The following IQCJ variants were observed in gnomAD, a reference collection of about 807,000 sequenced individuals.
The protein encoded by IQCJ is IQ domain-containing protein J.
IQCJ carries 9 observed loss-of-function variants against 11.0 expected under a neutral mutation model. The ratio of observed to expected loss-of-function variants is 0.82; its 90% CI spans 0.49 to 1.43. The LOEUF is 1.43. IQCJ is among the 40% of genes most tolerant of loss of function. The pLI is 0.00. For missense variants in IQCJ, 146 were observed against 133.2 expected (o/e 1.10, Z -0.47); for synonymous variants, 55 against 51.3 (o/e 1.07, Z -0.31).
chr3:159,148,206 G>A (rs1054476201), intron 1 of IQCJ, among the ~76,000 whole-genome samples: 3 of 152,108 alleles, frequency 2.0e-5, no homozygotes, highest in African/African-American at 4.8e-5. Context: ...TTAACTAATC[G>A]TGTTTTCCTC....
At chr3:159,218,369 G>A (rs1159257921) in intron 1 of IQCJ, among the ~76,000 whole-genome samples, 5 of 150,834 alleles carry the variant, frequency 3.3e-5, no homozygotes, top group African/African-American at 1.2e-4. Flanking sequence ...GTGTGTGTGT[G>A]TATAAGAGAA....
Position 159,202,939 on chromosome 3 carries a change from C to T in IQCJ, c.10-42904C>T, listed in dbSNP as rs1195166755. 3.3e-5 allele frequency among the ~76,000 whole-genome samples: 5 copies of T among 152,100 alleles called. No homozygotes were observed. The East Asian group carries it at 9.7e-4, about 29-fold the overall frequency. On this transcript the variant is annotated intron_variant, in intron 1 of 3. Coordinates refer to ENST00000397832, the MANE Select transcript of IQCJ (RefSeq NM_001042706.3). ...TCAGCTTTCTTTTCAGCTCAGTGAT[C>T]ACAGCTGAGCCCACAGACAAGTAAC...
intron 1 of IQCJ, among the ~76,000 whole-genome samples, chr3:159,094,219 A>C (rs1717552767): frequency 6.6e-6 from 1 of 151,702 alleles, no homozygotes; most frequent in South Asian, 2.1e-4. Context: ...CACTGGGGAC[A>C]AAGACAAATA....
At chr3:159,089,874 T>C (rs1469998693) in intron 1 of IQCJ, among the ~76,000 whole-genome samples, 5 of 151,844 alleles carry the variant, frequency 3.3e-5, no homozygotes, top group Middle Eastern at 3.2e-3. Context: ...AGTGTCCTCC[T>C]GTAGCTCAGA....
rs1728338477 is a variant in IQCJ at position 159,263,561 on chromosome 3, T to TA, written c.*831dup. On this transcript the variant is annotated 3_prime_UTR_variant, in exon 4 of 4. Coordinates refer to ENST00000397832, the MANE Select transcript of IQCJ (RefSeq NM_001042706.3). ...ACCAGTCACTGAAATGCTGAAAAGT[T>TA]AGAGAAATGAAGTAATTACACAAGT... The TA allele has an allele frequency of 1.0e-6, 1 of 985,208 alleles. No individual in the cohort carries two copies. The highest frequency in any genetic ancestry group is 1.7e-5 in the African/African-American group (1 of 57,238). 61.0% of individuals were successfully genotyped at this position (985,208 alleles called of 1,614,324 possible).
At chr3:159,077,204 T>G (rs1350082534) in intron 1 of IQCJ, among the ~76,000 whole-genome samples, 1 of 152,152 alleles carries the variant, frequency 6.6e-6, no homozygotes, top group Non-Finnish European at 1.5e-5. Context: ...ATATCATCTA[T>G]ACCCATTGTT....
intron 1 of IQCJ, among the ~76,000 whole-genome samples, chr3:159,108,079 G>A (rs567130347): frequency 2.0e-5 from 3 of 151,912 alleles, no homozygotes; most frequent in African/African-American, 4.8e-5. Flanking sequence ...TTAATATAGG[G>A]TTGGCAGAGA....
intron 1 of IQCJ, among the ~76,000 whole-genome samples, chr3:159,081,091 T>C (rs1456405798): frequency 6.6e-6 from 1 of 152,096 alleles, no homozygotes; most frequent in Non-Finnish European, 1.5e-5. Flanking sequence ...AGAGGCTCAG[T>C]GATTTCATCA....
intron 1 of IQCJ, among the ~76,000 whole-genome samples, chr3:159,085,712 T>C (rs1183794629): frequency 6.6e-6 from 1 of 151,844 alleles, no homozygotes; most frequent in East Asian, 1.9e-4. Flanking sequence ...TGCATAAATG[T>C]CTTCTTTTGA....
At chr3:159,214,141 T>C (rs528669815) in intron 1 of IQCJ, among the ~76,000 whole-genome samples, 2 of 152,278 alleles carry the variant, frequency 1.3e-5, no homozygotes, top group South Asian at 4.1e-4. Context: ...ATCTAGACCT[T>C]AAACTCAACA....
At chr3:159,227,758 T>A (rs768978918) in intron 1 of IQCJ, among the ~76,000 whole-genome samples, 9 of 152,232 alleles carry the variant, frequency 5.9e-5, no homozygotes, top group Non-Finnish European at 1.2e-4. Flanking sequence ...ATGTTGTAAA[T>A]GTTTTATCAA....
At chr3:159,243,491 A>G (rs1405532849) in intron 1 of IQCJ, among the ~76,000 whole-genome samples, 4 of 152,226 alleles carry the variant, frequency 2.6e-5, no homozygotes, top group Non-Finnish European at 5.9e-5. Flanking sequence ...ATGTCAAAAT[A>G]TAATGTTGAG....
chr3:159,199,517 T>A (rs2108061497), intron 1 of IQCJ, among the ~76,000 whole-genome samples: 1 of 152,292 alleles, frequency 6.6e-6, no homozygotes, highest in Admixed American at 6.5e-5. Context: ...AGAATAAATT[T>A]GTGTTGTTTT....
At chr3:159,177,609 T>C (rs1001167289) in intron 1 of IQCJ, among the ~76,000 whole-genome samples, 11 of 152,134 alleles carry the variant, frequency 7.2e-5, no homozygotes, top group Admixed American at 3.9e-4. Flanking sequence ...GAGGGAAGCA[T>C]TGACTATGAG....
At chr3:159,248,283 C>T (rs1288949645) in intron 2 of IQCJ, among the ~76,000 whole-genome samples, 2 of 152,156 alleles carry the variant, frequency 1.3e-5, no homozygotes, top group African/African-American at 4.8e-5. Flanking sequence ...AGGTTCATTC[C>T]ATCTGCACGA....
intron 1 of IQCJ, among the ~76,000 whole-genome samples, chr3:159,074,794 G>A (rs542007707): frequency 5.5e-4 from 83 of 152,094 alleles, no homozygotes; most frequent in African/African-American, 1.8e-3. Context: ...TTTGAGTAAC[G>A]AATTATTATT....
chr3:159,128,663 G>A (rs1719816650), intron 1 of IQCJ, among the ~76,000 whole-genome samples: 1 of 152,100 alleles, frequency 6.6e-6, no homozygotes, highest in East Asian at 1.9e-4. Context: ...GCTTACTAAC[G>A]TTCCAGTCCA....
intron 1 of IQCJ, among the ~76,000 whole-genome samples, chr3:159,196,399 G>T (rs543653441): frequency 1.3e-5 from 2 of 152,248 alleles, no homozygotes; most frequent in Admixed American, 6.5e-5. Context: ...TCCCAAAATT[G>T]GTATCTGTTA....
At chr3:159,226,612 C>T (rs1725867770) in intron 1 of IQCJ, among the ~76,000 whole-genome samples, 1 of 152,150 alleles carries the variant, frequency 6.6e-6, no homozygotes. Context: ...TCTGGAACTT[C>T]TGCGAATCTT....
Sources: gnomAD v4.1 joint callset for allele counts (sites outside exome capture counted in the v4.1 genomes callset) on GRCh38, gnomAD v4.1.1 for gene constraint, MANE v1.5 for transcripts, NCBI Gene and HGNC (gene_info 2026-07-23, HGNC 2026-07-21) for gene names.